CTNNA2: variants seen among roughly 807,000 people sequenced by gnomAD.
CTNNA2 encodes catenin alpha-2.
In CTNNA2, 42 loss-of-function variants were observed where a neutral mutation model predicts 101.0. The observed-to-expected ratio is 0.42, with a 90% CI of 0.32 to 0.54. CTNNA2 has a LOEUF of 0.54. CTNNA2 is among the 20% of genes least tolerant of loss of function. The pLI is 0.14. For missense variants in CTNNA2, 871 were observed against 1,223.1 expected, an observed-to-expected ratio of 0.71 and a Z score of 4.29; for synonymous variants, 450 against 456.4, an observed-to-expected ratio of 0.99 and a Z score of 0.18.
chr2:80,300,658 C>A (rs1416513182), intron 7 of CTNNA2, among the ~76,000 whole-genome samples: 1 of 152,060 alleles, frequency 6.6e-6, no homozygotes, highest in Non-Finnish European at 1.5e-5. Context: ...CAGAAAGATG[C>A]AACTCTTTAG....
chr2:80,139,354 C>A (rs1210795189), intron 7 of CTNNA2, among the ~76,000 whole-genome samples: 1 of 152,142 alleles, frequency 6.6e-6, no homozygotes, highest in Non-Finnish European at 1.5e-5. Context: ...TATACAATAT[C>A]TGCTCTTGGA....
At chr2:79,816,658 G>A (rs771558203) in intron 3 of CTNNA2, among the ~76,000 whole-genome samples, 4 of 152,128 alleles carry the variant, frequency 2.6e-5, no homozygotes, top group Admixed American at 6.6e-5. Context: ...AAATGTATGT[G>A]TTAGGTTGAC....
chr2:79,687,541 A>G (rs191158430), intron 2 of CTNNA2: 1 of 700,106 alleles, frequency 1.4e-6, no homozygotes, highest in African/African-American at 1.8e-5. Flanking sequence ...AACTGAATAC[A>G]CATTGTTTTG....
chr2:80,279,049 CGTGTGTGTGTGTGTGT>C (rs3219982), intron 7 of CTNNA2, among the ~76,000 whole-genome samples: 2 of 135,732 alleles, frequency 1.5e-5, no homozygotes, highest in African/African-American at 2.8e-5. Context: ...ATGACTTTTA[CGTGTGTGTGTGTGTGT>C]GTGTGTGTGT....
chr2:79,991,877 T>C (rs1189504983), intron 7 of CTNNA2, among the ~76,000 whole-genome samples: 1 of 152,172 alleles, frequency 6.6e-6, no homozygotes, highest in Non-Finnish European at 1.5e-5. Flanking sequence ...ATTTGCCAAT[T>C]CTTTGTGTAA....
chr2:79,391,669 G>A (rs1412737406), intron 4 of CTNNA2, among the ~76,000 whole-genome samples: 2 of 152,088 alleles, frequency 1.3e-5, no homozygotes, highest in African/African-American at 4.8e-5. Context: ...TTATAGATGA[G>A]GAAAATGAGT....
intron 2 of CTNNA2, among the ~76,000 whole-genome samples, chr2:79,300,948 T>C (rs1676094625): frequency 6.6e-6 from 1 of 152,196 alleles, no homozygotes; most frequent in African/African-American, 2.4e-5. Context: ...GTCTCACACT[T>C]TGACCTGTGC....
intron 2 of CTNNA2, among the ~76,000 whole-genome samples, chr2:79,210,859 T>C (rs1415003779): frequency 2.0e-5 from 3 of 152,070 alleles, no homozygotes. Context: ...TGATGTAACT[T>C]GCCCCTAAAT....
At chr2:79,419,215 C>T (rs1678514277) in intron 4 of CTNNA2, among the ~76,000 whole-genome samples, 1 of 151,978 alleles carries the variant, frequency 6.6e-6, no homozygotes, top group Non-Finnish European at 1.5e-5. Flanking sequence ...CCATCACAGA[C>T]TCAGTTTCTT....
At chr2:80,076,862 A>G (rs1427732973) in intron 7 of CTNNA2, among the ~76,000 whole-genome samples, 1 of 151,918 alleles carries the variant, frequency 6.6e-6, no homozygotes, top group Non-Finnish European at 1.5e-5. Context: ...TGGCTAACAC[A>G]GTGAAACCCC....
chr2:79,265,694 A>AGGCAGAGG (rs1470643756), intron 2 of CTNNA2, among the ~76,000 whole-genome samples: 1 of 152,190 alleles, frequency 6.6e-6, no homozygotes, highest in African/African-American at 2.4e-5. Flanking sequence ...ATGACCCCAT[A>AGGCAGAGG]GGCAGAGGTA....
At chr2:79,811,952 G>A (rs1208077409) in intron 3 of CTNNA2, among the ~76,000 whole-genome samples, 1 of 152,000 alleles carries the variant, frequency 6.6e-6, no homozygotes, top group Admixed American at 6.6e-5. Context: ...TTCCTGAAAG[G>A]TATACTTAAA....
rs759724348 is a variant in CTNNA2 at position 79,199,140 on chromosome 2, TA to T, written c.-406+1066del. ...TAGCTCCCATAGAATCAGAATCAGA[TA>T]ACCAGGAACGGAATGCAAAGTTTTC... On this transcript the variant is annotated intron_variant, in intron 2 of 21. Transcript: ENST00000466387. Among the ~76,000 whole-genome samples, 28 of 152,342 alleles carry T rather than the reference TA, an allele frequency of 1.8e-4. 1 individual carries two copies. The East Asian group carries it at 5.2e-3, about 28-fold the overall frequency.
intron 2 of CTNNA2, among the ~76,000 whole-genome samples, chr2:79,304,806 A>T (rs1676194485): frequency 6.6e-6 from 1 of 152,050 alleles, no homozygotes; most frequent in Non-Finnish European, 1.5e-5. Flanking sequence ...AGACATGTAG[A>T]CTCTTTTTAA....
chr2:80,599,789 ATTT>A (rs567479386), intron 15 of CTNNA2, among the ~76,000 whole-genome samples: 2,232 of 152,078 alleles, frequency 0.015, 65 homozygotes, highest in African/African-American at 0.051. Context: ...ATGTTTATTT[ATTT>A]TTATACTTTT....
chr2:80,212,344 G>A (rs1415135593), intron 7 of CTNNA2, among the ~76,000 whole-genome samples: 1 of 152,154 alleles, frequency 6.6e-6, no homozygotes, highest in Non-Finnish European at 1.5e-5. Context: ...GTATGATATT[G>A]GGTGTGGGTT....
chr2:80,063,882 T>C (rs1697786960), intron 7 of CTNNA2, among the ~76,000 whole-genome samples: 1 of 152,194 alleles, frequency 6.6e-6, no homozygotes, highest in Non-Finnish European at 1.5e-5. Context: ...CACCCCTAGT[T>C]ATTTGATATG....
chr2:80,429,885 T>C (rs970421749), intron 9 of CTNNA2, among the ~76,000 whole-genome samples: 2 of 152,196 alleles, frequency 1.3e-5, no homozygotes, highest in Non-Finnish European at 2.9e-5. Flanking sequence ...ACATTTAGTA[T>C]TTTTATGTCA....
intron 2 of CTNNA2, among the ~76,000 whole-genome samples, chr2:79,690,378 T>C (rs983902564): frequency 6.6e-6 from 1 of 152,066 alleles, no homozygotes; most frequent in African/African-American, 2.4e-5. Flanking sequence ...GACACTTTCA[T>C]ATAAAGAAAA....
Sources: allele counts gnomAD v4.1 joint callset (sites outside exome capture counted in the v4.1 genomes callset), GRCh38; gene constraint gnomAD v4.1.1; transcripts MANE v1.5; gene names NCBI Gene and HGNC (gene_info 2026-07-23, HGNC 2026-07-21).